MYOM2: variants seen among roughly 807,000 people sequenced by gnomAD.
The protein encoded by MYOM2 is myomesin 2.
A neutral mutation model predicts 187.6 loss-of-function variants in MYOM2; 254 were observed. That is an observed-to-expected ratio of 1.35 (90% CI 1.22 to 1.50). The LOEUF (loss-of-function observed/expected upper bound fraction) is 1.50. Among genes scored for constraint, MYOM2 ranks in the 40% most tolerant of loss-of-function variants. The pLI is 0.00. For missense variants in MYOM2, 2,796 were observed against 1,924.0 expected, an observed-to-expected ratio of 1.45 and a Z score of -8.48; for synonymous variants, 981 against 753.8, an observed-to-expected ratio of 1.30 and a Z score of -4.94.
chr8:2,137,120 C>G (rs147276283), intron 32 of MYOM2, among the ~76,000 whole-genome samples: 1 of 151,286 alleles, frequency 6.6e-6, no homozygotes, highest in African/African-American at 2.4e-5. Context: ...ACATCTTCGT[C>G]TATACATCTA....
intron 1 of MYOM2, among the ~76,000 whole-genome samples, chr8:2,048,874 C>G (rs1818391816): frequency 6.6e-6 from 1 of 151,762 alleles, no homozygotes; most frequent in Non-Finnish European, 1.5e-5. Context: ...ACTGCAAGCT[C>G]CGCCTCCCAG....
chr8:2,079,031 C>T lies in MYOM2; in HGVS notation c.1462+98C>T, dbSNP rs1819531903. On this transcript the variant is annotated intron_variant, in intron 12 of 36. Coordinates refer to ENST00000262113, the MANE Select transcript of MYOM2 (RefSeq NM_003970.4). ...TTTCCCTCCCAACTCGATGTGAGCC[C>T]TGAGAATGCCCTGTGTGCAGAGCAT... is the stretch of plus-strand genomic sequence containing the variant. 12 of 1,168,526 alleles carry T rather than the reference C, an allele frequency of 1.0e-5. No homozygotes were observed. In the South Asian group the frequency reaches 1.6e-4, roughly 15 times the overall value. 72.4% of individuals were successfully genotyped at this position (1,168,526 alleles called of 1,614,324 possible).
intron 3 of MYOM2, 144 bp from the exon 4 acceptor site, chr8:2,057,204 C>G: frequency 1.1e-6 from 1 of 871,912 alleles, no homozygotes; most frequent in Non-Finnish European, 1.7e-6. Flanking sequence ...TTCAAATGAG[C>G]AGAAGTAGCA....
chr8:2,085,436 C>A (rs771032501), intron 14 of MYOM2, 46 bp downstream of exon 14: 34 of 1,596,512 alleles, frequency 2.1e-5, no homozygotes, highest in South Asian at 7.9e-5. Context: ...TCTGCATGGC[C>A]CCCCACTGTC....
chr8:2,142,230 C>G (rs116081651), intron 34 of MYOM2, 145 bp from the exon 35 acceptor site: 29 of 831,654 alleles, frequency 3.5e-5, no homozygotes, highest in Non-Finnish European at 4.7e-5. Flanking sequence ...TCCTGTGACC[C>G]GAACATGTTC....
intron 29 of MYOM2, 74 bp from the exon 30 acceptor site, chr8:2,123,481 G>A: frequency 2.0e-6 from 3 of 1,488,738 alleles, no homozygotes; most frequent in East Asian, 2.3e-5. Context: ...CAAAGAAAAT[G>A]TATTAGAGTT....
At chr8:2,083,228 A>T in intron 13 of MYOM2, among the ~76,000 whole-genome samples, 1 of 152,224 alleles carries the variant, frequency 6.6e-6, no homozygotes, top group East Asian at 1.9e-4. Context: ...TTGGCCCAAT[A>T]CTCAATTGGG....
intron 21 of MYOM2, among the ~76,000 whole-genome samples, chr8:2,103,608 G>T (rs1796791965): frequency 6.6e-6 from 1 of 151,510 alleles, no homozygotes; most frequent in Non-Finnish European, 1.5e-5. Context: ...GTGTATATAT[G>T]TAGAGGTGTA....
intron 36 of MYOM2, 115 bp from the exon 37 acceptor site, chr8:2,144,549 C>T (rs1264013988): frequency 1.4e-5 from 15 of 1,079,266 alleles, no homozygotes; most frequent in Non-Finnish European, 1.9e-5. Flanking sequence ...TCTAAACAAA[C>T]GATTGAAGGA....
At chr8:2,141,773 C>T (rs973077973) in intron 34 of MYOM2, among the ~76,000 whole-genome samples, 1 of 152,128 alleles carries the variant, frequency 6.6e-6, no homozygotes. Context: ...TGTTTTTGGG[C>T]TGGACTTAGG....
intron 32 of MYOM2, among the ~76,000 whole-genome samples, chr8:2,136,800 G>A (rs1008092099): frequency 8.5e-5 from 13 of 152,206 alleles, no homozygotes; most frequent in Non-Finnish European, 1.6e-4. Flanking sequence ...CTGTAAGCAA[G>A]TTGCTAATTG....
intron 17 of MYOM2, among the ~76,000 whole-genome samples, chr8:2,095,498 C>G (rs1375292828): frequency 6.6e-6 from 1 of 152,040 alleles, no homozygotes; most frequent in Non-Finnish European, 1.5e-5. Context: ...TACTATGTTG[C>G]CCAGGCTGAT....
At chr8:2,094,460 T>A (rs1246752424) in intron 17 of MYOM2, among the ~76,000 whole-genome samples, 2 of 152,176 alleles carry the variant, frequency 1.3e-5, no homozygotes, top group African/African-American at 4.8e-5. Context: ...GAGACCATCC[T>A]GGCCAACAAG....
chr8:2,143,278 G>T, intron 35 of MYOM2, 123 bp from the exon 36 acceptor site: 3 of 1,090,822 alleles, frequency 2.8e-6, no homozygotes, highest in Admixed American at 1.9e-5. Context: ...TTTGATGCTC[G>T]CTCTCTCCTG....
chr8:2,089,547 C>T (rs1239029437), intron 14 of MYOM2, among the ~76,000 whole-genome samples: 6 of 152,192 alleles, frequency 3.9e-5, no homozygotes, highest in South Asian at 4.1e-4. Flanking sequence ...TGTGTCTGAC[C>T]GTATTGACAG....
At position 2,109,546 on chromosome 8, in the gene MYOM2, G is replaced by C; in HGVS notation, c.3180+15G>C. The stretch of plus-strand genomic sequence containing the variant: ...CTGACAGCGAGGTGAGTTCCTGTGT[G>C]AGTGATCTCTGGCTTTGCAGGGAGT... On this transcript the variant is annotated intron_variant, in intron 25 of 36. Transcript: ENST00000262113. The C allele has an allele frequency of 6.2e-7, 1 of 1,600,318 alleles. No individual in the cohort carries two copies. Among genetic ancestry groups the C allele is most frequent in the Non-Finnish European group, 8.5e-7 (1 of 1,174,384 alleles).
At chr8:2,095,415 C>T (rs942378307) in intron 17 of MYOM2, among the ~76,000 whole-genome samples, 3 of 151,974 alleles carry the variant, frequency 2.0e-5, no homozygotes, top group African/African-American at 4.8e-5. Context: ...CCTCAGCCTC[C>T]TGATTAGCTA....
chr8:2,063,695 A>G (rs1818921913), intron 6 of MYOM2, among the ~76,000 whole-genome samples: 1 of 152,156 alleles, frequency 6.6e-6, no homozygotes, highest in African/African-American at 2.4e-5. Flanking sequence ...ACCACTTATA[A>G]TTTGAGGACA....
In MYOM2 at chr8:2,057,688, C is replaced by T. The variant is rs1272873948; in HGVS notation, c.468C>T (p.Ile156=). The T allele has an allele frequency of 6.2e-7, 1 of 1,614,120 alleles. No individual in the cohort carries two copies. Among genetic ancestry groups the T allele is most frequent in the Non-Finnish European group, 8.5e-7 (1 of 1,180,016 alleles). ...FEERISRAPE[I]LVRLRSHTVW... Reference sequence around the variant, plus strand: ...AGCGGATAAGCAGGGCTCCTGAGATCCTGGTGCGGCTGCGATCCCACACCG... The same window carrying T: ...AGCGGATAAGCAGGGCTCCTGAGATTCTGGTGCGGCTGCGATCCCACACCG... The change falls in exon 5 of 37, where the codon ATC becomes ATT. Residue 156 remains isoleucine, a synonymous_variant. Transcript: ENST00000262113.
Sources: allele counts gnomAD v4.1 joint callset (sites outside exome capture counted in the v4.1 genomes callset), GRCh38; gene constraint gnomAD v4.1.1; transcripts MANE v1.5; gene names NCBI Gene and HGNC (gene_info 2026-07-23, HGNC 2026-07-21).